Variants in NT5C2 observed in about 807,000 individuals in gnomAD.
NT5C2 encodes cytosolic purine 5'-nucleotidase.
In NT5C2, 58 loss-of-function variants were observed where a neutral mutation model predicts 76.1. The observed-to-expected ratio is 0.76, with a 90% CI of 0.62 to 0.95. The LOEUF is 0.95. Among genes scored for constraint, NT5C2 ranks in the 40% least tolerant of loss-of-function variants. The pLI is 0.00. For missense variants in NT5C2, 478 were observed against 690.3 expected (o/e 0.69, Z 3.45); for synonymous variants, 229 against 237.4 (o/e 0.96, Z 0.32).
At chr10:103,139,746 G>C (rs956456138) in intron 3 of NT5C2, among the ~76,000 whole-genome samples, 4 of 151,990 alleles carry the variant, frequency 2.6e-5, no homozygotes, top group East Asian at 1.9e-4. Flanking sequence ...CTTTCTTCTT[G>C]TTTATTGTGG....
At position 103,174,851 on chromosome 10, in the gene NT5C2, T is replaced by C; in HGVS notation, c.101+7A>G. ...GGTTTTGAGGATTAAATAGACAAAATACTTACCGATGATAGGCTTCTCGAC... is the reference window on the plus strand; with the variant it reads ...GGTTTTGAGGATTAAATAGACAAAACACTTACCGATGATAGGCTTCTCGAC... On this transcript the variant is annotated splice_region_variant and intron_variant, in intron 3 of 18. Transcript: ENST00000404739. 1 of 1,593,524 alleles carries C rather than the reference T, an allele frequency of 6.3e-7. No individual in the cohort carries two copies. Among genetic ancestry groups the C allele is most frequent in the Non-Finnish European group, 8.6e-7 (1 of 1,161,956 alleles).
chr10:103,136,477 T>C (rs2136207435), intron 4 of NT5C2, among the ~76,000 whole-genome samples: 1 of 152,324 alleles, frequency 6.6e-6, no homozygotes, highest in East Asian at 1.9e-4. Flanking sequence ...AATAAGTACT[T>C]AATAAATGTT....
intron 4 of NT5C2, among the ~76,000 whole-genome samples, chr10:103,137,114 T>C (rs1184257450): frequency 3.9e-5 from 6 of 152,252 alleles, no homozygotes; most frequent in African/African-American, 1.4e-4. Context: ...TTGTCACTTT[T>C]TGACACCATT....
chr10:103,159,279 A>AC (rs2084213930), intron 3 of NT5C2, among the ~76,000 whole-genome samples: 1 of 151,736 alleles, frequency 6.6e-6, no homozygotes, highest in Non-Finnish European at 1.5e-5. Flanking sequence ...ACACACACAC[A>AC]CACACACACA....
intron 1 of NT5C2, among the ~76,000 whole-genome samples, chr10:103,190,464 C>T (rs1424777044): frequency 6.6e-6 from 1 of 152,164 alleles, no homozygotes; most frequent in Non-Finnish European, 1.5e-5. Context: ...TATTCCTTCA[C>T]TCTGAGCAAA....
intron 9 of NT5C2, 78 bp downstream of exon 9, chr10:103,099,848 G>T (rs760318273): frequency 2.6e-5 from 23 of 880,620 alleles, no homozygotes; most frequent in African/African-American, 5.1e-5. Context: ...GAAATATTCT[G>T]CTCCATTTGG....
rs2068732070 is a variant in NT5C2, at chr10:103,098,441, T to C, written c.687+490A>G. The C allele has an allele frequency of 2.1e-5, 4 of 191,912 alleles. No individual in the cohort carries two copies. In the South Asian group the frequency reaches 4.0e-4, roughly 19 times the overall value. 11.9% of individuals were successfully genotyped at this position (191,912 alleles called of 1,614,324 possible). ...ACATTTTTGAGATGATCTAGTGCAGTAGTTATGATTTGGGTGTGACTTAGC... is the reference window on the plus strand; with the variant it reads ...ACATTTTTGAGATGATCTAGTGCAGCAGTTATGATTTGGGTGTGACTTAGC... On this transcript the variant is annotated intron_variant, in intron 10 of 18. Coordinates refer to ENST00000404739, the MANE Select transcript of NT5C2 (RefSeq NM_001351169.2).
chr10:103,165,529 G>A (rs1167832043), intron 3 of NT5C2, among the ~76,000 whole-genome samples: 3 of 149,228 alleles, frequency 2.0e-5, no homozygotes, highest in African/African-American at 7.4e-5. Context: ...TCCTGCCTCA[G>A]CCTCCCTAGT....
At chr10:103,191,846 T>C (rs1167829010) in intron 1 of NT5C2, among the ~76,000 whole-genome samples, 1 of 152,108 alleles carries the variant, frequency 6.6e-6, no homozygotes, top group Non-Finnish European at 1.5e-5. Context: ...TACACTGCAA[T>C]GGAAATGCAC....
chr10:103,129,248 A>T (rs1184873112), intron 4 of NT5C2, among the ~76,000 whole-genome samples: 1 of 69,304 alleles, frequency 1.4e-5, no homozygotes, highest in Admixed American at 1.4e-4. Context: ...CGGGAGGGAG[A>T]TGGGGGGGTC....
chr10:103,096,116 T>G, intron 11 of NT5C2, 136 bp from the exon 12 acceptor site: 1 of 633,156 alleles, frequency 1.6e-6, no homozygotes, highest in Non-Finnish European at 2.7e-6. Flanking sequence ...CTCTAAATTT[T>G]ATGAAATCAT....
chr10:103,113,816 A>C (rs1373758695), intron 4 of NT5C2, among the ~76,000 whole-genome samples: 1 of 152,256 alleles, frequency 6.6e-6, no homozygotes, highest in Non-Finnish European at 1.5e-5. Flanking sequence ...TGCATGATTT[A>C]TGTCTGACTT....
intron 4 of NT5C2, among the ~76,000 whole-genome samples, chr10:103,136,073 C>T (rs914495099): frequency 3.9e-5 from 6 of 151,930 alleles, no homozygotes; most frequent in Non-Finnish European, 7.4e-5. Flanking sequence ...GGAGACAGAG[C>T]GAGACTCTGC....
chr10:103,099,121 A>G, intron 9 of NT5C2, 137 bp from the exon 10 acceptor site: 4 of 696,758 alleles, frequency 5.7e-6, no homozygotes, highest in South Asian at 1.6e-5. Flanking sequence ...TGCCCATGCT[A>G]GAGTGCAGTG....
rs903464040 is a variant in NT5C2 at position 103,089,934 on chromosome 10, A to G, written c.1450-26T>C. 1.9e-6 allele frequency: 3 copies of G among 1,558,178 alleles called. No individual in the cohort carries two copies. In the Admixed American group the frequency reaches 5.8e-5, roughly 30 times the overall value. Reference sequence around the variant, plus strand: ...CTAGACAGAAAAAAGCTAGAGGCTCAGAAAGCAGGCAGAGCAAAGTAGCTA... The same window carrying G: ...CTAGACAGAAAAAAGCTAGAGGCTCGGAAAGCAGGCAGAGCAAAGTAGCTA... On this transcript the variant is annotated intron_variant, in intron 18 of 18. Transcript: ENST00000404739.
At chr10:103,192,512 G>A (rs2135607065) in intron 1 of NT5C2, among the ~76,000 whole-genome samples, 1 of 152,288 alleles carries the variant, frequency 6.6e-6, no homozygotes, top group East Asian at 1.9e-4. Context: ...CCGATTTCAG[G>A]AGCCCCGAAA....
intron 3 of NT5C2, among the ~76,000 whole-genome samples, chr10:103,165,950 G>C (rs1473313271): frequency 6.6e-6 from 1 of 152,208 alleles, no homozygotes; most frequent in Non-Finnish European, 1.5e-5. Flanking sequence ...GATTACAGGC[G>C]TGAGCCACCG....
intron 1 of NT5C2, among the ~76,000 whole-genome samples, chr10:103,191,581 G>T (rs544720571): frequency 6.6e-6 from 1 of 152,218 alleles, no homozygotes; most frequent in East Asian, 1.9e-4. Context: ...GGTACTATAA[G>T]GGAATACTAT....
At chr10:103,122,852 C>G (rs1204212207) in intron 4 of NT5C2, among the ~76,000 whole-genome samples, 3 of 152,156 alleles carry the variant, frequency 2.0e-5, no homozygotes, top group Non-Finnish European at 2.9e-5. Flanking sequence ...GATCATACCC[C>G]CTTTTGTCCA....
Sources: gnomAD v4.1 joint callset for allele counts (sites outside exome capture counted in the v4.1 genomes callset) on GRCh38, gnomAD v4.1.1 for gene constraint, MANE v1.5 for transcripts, NCBI Gene and HGNC (gene_info 2026-07-23, HGNC 2026-07-21) for gene names.